CIDEC: variants seen among roughly 807,000 people sequenced by gnomAD.
CIDEC encodes the protein lipid transferase CIDEC.
A neutral mutation model predicts 21.9 loss-of-function variants in CIDEC; 11 were observed. That is an observed-to-expected ratio of 0.50 (90% CI 0.32 to 0.83). The LOEUF (loss-of-function observed/expected upper bound fraction) is 0.83, where lower values mean the gene tolerates loss of function less well. Among genes scored for constraint, CIDEC ranks in the 40% least tolerant of loss-of-function variants. The pLI is 0.04. For synonymous variants in CIDEC, 127 were observed against 124.9 expected, an observed-to-expected ratio of 1.02 and a Z score of -0.11; for missense variants, 302 against 302.3, an observed-to-expected ratio of 1.00 and a Z score of 0.01.
At chr3:9,878,601 TCA>T in intron 2 of CIDEC, 90 bp from the exon 3 acceptor site, 1 of 1,281,740 alleles carries the variant, frequency 7.8e-7, no homozygotes, top group Non-Finnish European at 1.1e-6. Context: ...CAACCCCTGT[TCA>T]GCAACCTTCC....
At chr3:9,877,364 C>T (rs2082441052) in intron 3 of CIDEC, 145 bp from the exon 4 acceptor site, 1 of 832,674 alleles carries the variant, frequency 1.2e-6, no homozygotes, top group Non-Finnish European at 2.0e-6. Flanking sequence ...TAGTCTTACT[C>T]AGAAGCCTGC....
At position 9,866,794 on chromosome 3, in the gene CIDEC, G is replaced by T. The variant is rs2082274916; in HGVS notation, c.*340C>A. On this transcript the variant is annotated 3_prime_UTR_variant, in exon 7 of 7. Transcript: ENST00000336832. ...AATTCACTCAGGAATGTTCCGGGAT[G>T]GGGGCCAGAAGGTAGAGAGCACCAT... is the stretch of plus-strand genomic sequence containing the variant. 2.6e-5 allele frequency: 15 copies of T among 566,146 alleles called. No homozygotes were observed. In the South Asian group the frequency reaches 3.0e-4, roughly 11 times the overall value. The allele number at this position is 566,146 out of a possible 1,614,324, so 35.1% of individuals were successfully genotyped here. A position where few individuals can be genotyped will look rare whatever the true frequency, so the allele number is the denominator to read the frequency against.
At chr3:9,879,144 T>C (rs1464896845) in intron 1 of CIDEC, 90 bp from the exon 2 acceptor site, 2 of 256,502 alleles carry the variant, frequency 7.8e-6, no homozygotes, top group East Asian at 8.1e-5. Context: ...ACATAACTAG[T>C]GTGATTCAGG....
chr3:9,872,497 T>G (rs2082362235), intron 4 of CIDEC, among the ~76,000 whole-genome samples: 1 of 152,310 alleles, frequency 6.6e-6, no homozygotes, highest in African/African-American at 2.4e-5. Flanking sequence ...ATGGGTTTAT[T>G]GGCCACTGTG....
chr3:9,876,361 C>T (rs576649886), intron 4 of CIDEC, among the ~76,000 whole-genome samples: 2 of 152,276 alleles, frequency 1.3e-5, no homozygotes, highest in South Asian at 2.1e-4. Context: ...GTAGTCCCAG[C>T]TTCTTGGGAG....
At chr3:9,869,353 C>T (rs1209489944) in intron 6 of CIDEC, among the ~76,000 whole-genome samples, 3 of 152,026 alleles carry the variant, frequency 2.0e-5, no homozygotes, top group Non-Finnish European at 2.9e-5. Flanking sequence ...TAGCTTCAAG[C>T]GATTCTCCTG....
intron 4 of CIDEC, among the ~76,000 whole-genome samples, chr3:9,874,175 T>A (rs2082388012): frequency 6.6e-6 from 1 of 152,092 alleles, no homozygotes; most frequent in Admixed American, 6.6e-5. Flanking sequence ...CATTCATGTA[T>A]GCTATTAAAA....
At position 9,867,026 on chromosome 3, in the gene CIDEC, G is replaced by T; in HGVS notation, c.*108C>A. The T allele has an allele frequency of 8.2e-7, 1 of 1,220,070 alleles. No homozygotes were observed. 75.6% of individuals were successfully genotyped at this position (1,220,070 alleles called of 1,614,324 possible). On this transcript the variant is annotated 3_prime_UTR_variant, in exon 7 of 7. Coordinates refer to ENST00000336832, the MANE Select transcript of CIDEC (RefSeq NM_001321142.2). ...CAGGGTCCTGCGCGGTGAGGGAGGT[G>T]TGGGGAGGTTCGCGGCTCTACAGCT...
Position 9,877,140 on chromosome 3 carries a change from A to G in CIDEC, c.133T>C (p.Cys45Arg). 6.4e-7 allele frequency: 1 copy of G among 1,552,190 alleles called. No individual in the cohort carries two copies. The highest frequency in any genetic ancestry group is 8.7e-7 in the Non-Finnish European group (1 of 1,147,268). The stretch of plus-strand genomic sequence containing the variant: ...CTTCGATCCGCCGTGCTTACGCGGC[A>G]GGGCCGGGCCCTGGGGGCCTTGGGG... Reference protein sequence around the residue: ...PSPKAPRARPCRVSTADRSVR... With the variant: ...PSPKAPRARPRRVSTADRSVR... The change falls in exon 4 of 7, where the codon TGC becomes CGC. Residue 45 changes from cysteine (C) to arginine (R), a missense_variant. By Grantham distance (180) the Cys-to-Arg change is radical (BLOSUM62 -3). Coordinates refer to ENST00000336832, the MANE Select transcript of CIDEC (RefSeq NM_001321142.2).
chr3:9,874,281 C>T (rs775340610), intron 4 of CIDEC, among the ~76,000 whole-genome samples: 2 of 151,808 alleles, frequency 1.3e-5, no homozygotes, highest in Admixed American at 6.6e-5. Flanking sequence ...TTTGGGAGGC[C>T]GAGGTGGGAG....
chr3:9,878,928 G>T lies in CIDEC; in HGVS notation c.-26+14C>A. The T allele has an allele frequency of 3.1e-6, 3 of 971,138 alleles. No homozygotes were observed. Among genetic ancestry groups the T allele is most frequent in the Non-Finnish European group, 3.2e-6 (2 of 632,186 alleles). The allele number at this position is 971,138 out of a possible 1,614,324, so 60.2% of individuals were successfully genotyped here. A position where few individuals can be genotyped will look rare whatever the true frequency, so the allele number is the denominator to read the frequency against. On this transcript the variant is annotated intron_variant, in intron 2 of 6. Transcript: ENST00000336832. ...AGTCACACCACCTCACACTTCTGGGGACCGTTCCCTCACCTCTAGTCCAGA... is the reference window on the plus strand; with the variant it reads ...AGTCACACCACCTCACACTTCTGGGTACCGTTCCCTCACCTCTAGTCCAGA...
rs753101957 is a variant in CIDEC, at chr3:9,867,016, T to TGAGGGAGGTGTGG, written c.*105_*117dup. The TGAGGGAGGTGTGG allele has an allele frequency of 1.3e-3, 1,443 of 1,095,964 alleles. 10 individuals carry two copies. The highest frequency in any genetic ancestry group is 2.9e-4 in the Non-Finnish European group (209 of 709,842). 67.9% of individuals were successfully genotyped at this position (1,095,964 alleles called of 1,614,324 possible). A position where few individuals can be genotyped will look rare whatever the true frequency, so the allele number is the denominator to read the frequency against. On this transcript the variant is annotated 3_prime_UTR_variant, in exon 7 of 7. Coordinates refer to ENST00000336832, the MANE Select transcript of CIDEC (RefSeq NM_001321142.2). The stretch of plus-strand genomic sequence containing the variant: ...CCTCCTCACTCAGGGTCCTGCGCGG[T>TGAGGGAGGTGTGG]GAGGGAGGTGTGGGGAGGTTCGCGG...
intron 6 of CIDEC, among the ~76,000 whole-genome samples, chr3:9,867,523 G>C (rs1011081958): frequency 1.2e-4 from 18 of 152,216 alleles, no homozygotes; most frequent in African/African-American, 4.3e-4. Flanking sequence ...CAGAGCCTGA[G>C]GCAGGAGAAT....
intron 4 of CIDEC, among the ~76,000 whole-genome samples, chr3:9,875,777 G>A (rs2082414358): frequency 6.6e-6 from 1 of 152,322 alleles, no homozygotes; most frequent in African/African-American, 2.4e-5. Context: ...AAATGATTCA[G>A]GCAAAGTTTT....
At chr3:9,876,723 C>T (rs949666700) in intron 4 of CIDEC, among the ~76,000 whole-genome samples, 7 of 144,592 alleles carry the variant, frequency 4.8e-5, no homozygotes, top group Admixed American at 2.9e-4. Flanking sequence ...CGCCATTGCA[C>T]TCCAGCCTGG....
At chr3:9,868,299 C>T (rs2082300440) in intron 6 of CIDEC, among the ~76,000 whole-genome samples, 1 of 152,236 alleles carries the variant, frequency 6.6e-6, no homozygotes, top group Non-Finnish European at 1.5e-5. Context: ...CACCTTGAGA[C>T]ACTCTGTTCT....
intron 4 of CIDEC, among the ~76,000 whole-genome samples, chr3:9,872,853 G>T (rs780801992): frequency 2.0e-5 from 3 of 152,140 alleles, no homozygotes; most frequent in Non-Finnish European, 4.4e-5. Context: ...GCTGGGCGTG[G>T]TGGTGCGCGC....
chr3:9,874,645 T>C (rs1365595785), intron 4 of CIDEC, among the ~76,000 whole-genome samples: 1 of 152,126 alleles, frequency 6.6e-6, no homozygotes, highest in African/African-American at 2.4e-5. Context: ...AAATGTTACA[T>C]AGAGAAGCTT....
In CIDEC at chr3:9,867,279, G is replaced by A. The variant is rs1331659546; in HGVS notation, c.572C>T (p.Ala191Val). 2 of 1,614,168 alleles carry A rather than the reference G, an allele frequency of 1.2e-6. No individual in the cohort carries two copies. The highest frequency in any genetic ancestry group is 1.7e-6 in the Non-Finnish European group (2 of 1,180,034). Residue 191 changes from alanine (A) to valine (V), a missense_variant, in exon 7 of 7, where the codon GCC (alanine) becomes GTC (valine). Ala to Val is a moderately conservative substitution (Grantham distance 64). Coordinates refer to ENST00000336832, the MANE Select transcript of CIDEC (RefSeq NM_001321142.2). ...KRIMKEAFRW[A>V]LFSMQATGHV... ...GCCTGTGGCCTGCATGCTGAAGAGG[G>A]CCCAGCGGAAAGCTTCCCTGGGTGG...
Sources: allele counts gnomAD v4.1 joint callset (sites outside exome capture counted in the v4.1 genomes callset), GRCh38; gene constraint gnomAD v4.1.1; transcripts MANE v1.5; gene names NCBI Gene and HGNC (gene_info 2026-07-23, HGNC 2026-07-21).